Variants in MYT1L observed in about 807,000 individuals in gnomAD.
MYT1L encodes the protein myelin transcription factor 1 like.
MYT1L carries 12 observed loss-of-function variants against 126.7 expected under a neutral mutation model. The observed-to-expected ratio is 0.09, with a 90% confidence interval of 0.06 to 0.15. The LOEUF (loss-of-function observed/expected upper bound fraction) is 0.15. Among genes scored for constraint, MYT1L ranks in the 10% least tolerant of loss-of-function variants. MYT1L has a pLI of 1.00. For synonymous variants in MYT1L, 541 were observed against 604.2 expected (o/e 0.90, Z 1.53); for missense variants, 979 against 1,585.2 (o/e 0.62, Z 6.49).
In MYT1L at chr2:1,889,024, C is replaced by A. The variant is rs1389883152; in HGVS notation, c.2520+217G>T. On this transcript the variant is annotated intron_variant, in intron 16 of 24. Transcript: ENST00000647738. This position sits in a 1 kb window ranked among gnomAD's most constrained non-coding sequence, Gnocchi z 4.1. Reference sequence around the variant, plus strand: ...ATATTTGTTAGAAAATAAACTTTATCATTTACAAGAGTCAATACTTTGTTT... The same window carrying A: ...ATATTTGTTAGAAAATAAACTTTATAATTTACAAGAGTCAATACTTTGTTT... 6.6e-6 allele frequency among the ~76,000 whole-genome samples: 1 copy of A among 152,148 alleles called. No homozygotes were observed. The highest frequency in any genetic ancestry group is 2.4e-5 in the African/African-American group (1 of 41,428).
At chr2:2,102,730 T>C (rs866341741) in intron 3 of MYT1L, among the ~76,000 whole-genome samples, 2 of 151,692 alleles carry the variant, frequency 1.3e-5, no homozygotes, top group Non-Finnish European at 2.9e-5. Context: ...GCTGGATGGG[T>C]GGAATCAATG....
rs560758019 is a variant in MYT1L at position 1,808,952 on chromosome 2, A to G, written c.3172+124T>C. 4 of 848,484 alleles carry G rather than the reference A, an allele frequency of 4.7e-6. No individual in the cohort carries two copies. The South Asian group carries it at 6.0e-5, about 13-fold the overall frequency. The allele number at this position is 848,484 out of a possible 1,614,324, so 52.6% of individuals were successfully genotyped here. A position where few individuals can be genotyped will look rare whatever the true frequency, so the allele number is the denominator to read the frequency against. ...TCGCTTTATAGATGAGAGGGCCAGA[A>G]TTATCTCTGCCCCTGCTTTCTAAGA... On this transcript the variant is annotated intron_variant, in intron 22 of 24. Transcript: ENST00000647738.
At chr2:1,893,475 G>C (rs184123911) in intron 14 of MYT1L, among the ~76,000 whole-genome samples, 18 of 152,264 alleles carry the variant, frequency 1.2e-4, no homozygotes, top group Admixed American at 1.1e-3. Flanking sequence ...GGAGAACTTG[G>C]TGATAGGCTA....
At chr2:2,191,798 C>T (rs2092601911) in intron 2 of MYT1L, among the ~76,000 whole-genome samples, 1 of 152,226 alleles carries the variant, frequency 6.6e-6, no homozygotes, top group African/African-American at 2.4e-5. Flanking sequence ...ATTTCTCATC[C>T]TTTTAAGCAG....
chr2:1,915,067 C>T (rs2052628625), intron 11 of MYT1L, among the ~76,000 whole-genome samples: 1 of 152,130 alleles, frequency 6.6e-6, no homozygotes, highest in South Asian at 2.1e-4. Flanking sequence ...GTCCTTCTCT[C>T]AGCCGGGCTG....
intron 2 of MYT1L, among the ~76,000 whole-genome samples, chr2:2,276,942 C>T (rs142455291): frequency 2.0e-5 from 3 of 151,860 alleles, no homozygotes; most frequent in Non-Finnish European, 4.4e-5. Context: ...TTTCTGTTTG[C>T]CTTTACTTCA....
chr2:2,079,384 A>G (rs920991192), intron 3 of MYT1L, among the ~76,000 whole-genome samples: 1 of 152,252 alleles, frequency 6.6e-6, no homozygotes, highest in Non-Finnish European at 1.5e-5. Context: ...AGATCAGAAT[A>G]TTTAACATTA....
intron 21 of MYT1L, among the ~76,000 whole-genome samples, chr2:1,834,325 G>A (rs909588937): frequency 2.0e-5 from 3 of 152,214 alleles, no homozygotes; most frequent in Non-Finnish European, 4.4e-5. Flanking sequence ...GGCTTCCAAG[G>A]AAAGAGAAAT....
At chr2:2,139,170 G>A (rs957884915) in intron 3 of MYT1L, among the ~76,000 whole-genome samples, 21 of 151,886 alleles carry the variant, frequency 1.4e-4, no homozygotes, top group African/African-American at 2.2e-4. Context: ...AGTGCATGGC[G>A]TCTCCTCCTC....
chr2:2,024,441 T>C (rs924997691), intron 4 of MYT1L, among the ~76,000 whole-genome samples: 1 of 152,230 alleles, frequency 6.6e-6, no homozygotes, highest in African/African-American at 2.4e-5. Flanking sequence ...TCCCTCCCCT[T>C]GTGGCTGACA....
In MYT1L at chr2:2,224,523, A is replaced by G. The variant is rs1391170149; in HGVS notation, c.-420-51535T>C. Among the ~76,000 whole-genome samples the G allele has an allele frequency of 6.6e-6, 1 of 152,206 alleles. No individual in the cohort carries two copies. Among genetic ancestry groups the G allele is most frequent in the East Asian group, 1.9e-4 (1 of 5,188 alleles). On this transcript the variant is annotated intron_variant, in intron 2 of 24. Transcript: ENST00000647738. This position sits in a 1 kb window ranked among gnomAD's most constrained non-coding sequence, Gnocchi z 4.0. Reference sequence around the variant, plus strand: ...TGCCATAACTATTTTTCCCATTAAGAAAATAAATGTTTCAGGCTGGGCACG... The same window carrying G: ...TGCCATAACTATTTTTCCCATTAAGGAAATAAATGTTTCAGGCTGGGCACG...
At chr2:2,179,818 A>C (rs2091220687) in intron 2 of MYT1L, among the ~76,000 whole-genome samples, 1 of 152,204 alleles carries the variant, frequency 6.6e-6, no homozygotes, top group African/African-American at 2.4e-5. Flanking sequence ...CATGTTCCTC[A>C]AATATAAACT....
In MYT1L at chr2:2,003,163, C is replaced by T. The variant is rs139519601; in HGVS notation, c.-157-5816G>A. Among the ~76,000 whole-genome samples the T allele has an allele frequency of 1.7e-3, 265 of 152,270 alleles. 1 individual carries two copies. Among genetic ancestry groups the T allele is most frequent in the African/African-American group, 6.0e-3 (249 of 41,552 alleles). ...TCCTGAGTCCCGTTCCCATTTCCCA[C>T]TTAGACTTGCTCGATTCCCATGGCC... is the stretch of plus-strand genomic sequence containing the variant. On this transcript the variant is annotated intron_variant, in intron 4 of 24. Transcript: ENST00000647738.
At chr2:2,185,081 T>C (rs1193760582) in intron 2 of MYT1L, among the ~76,000 whole-genome samples, 1 of 152,184 alleles carries the variant, frequency 6.6e-6, no homozygotes, top group Non-Finnish European at 1.5e-5. Context: ...GCCCTCATGC[T>C]GCAAACCTTC....
chr2:1,809,591 A>C (rs1320324318), intron 21 of MYT1L, among the ~76,000 whole-genome samples: 1 of 152,260 alleles, frequency 6.6e-6, no homozygotes, highest in African/African-American at 2.4e-5. Flanking sequence ...AAATATACAA[A>C]AGTAGAGACA....
intron 1 of MYT1L, among the ~76,000 whole-genome samples, chr2:2,318,095 C>T (rs1173242757): frequency 6.6e-6 from 1 of 152,156 alleles, no homozygotes; most frequent in African/African-American, 2.4e-5. Flanking sequence ...TTCAGTTATG[C>T]CTTTGAGGCT....
chr2:2,081,195 A>T (rs1164478353), intron 3 of MYT1L, among the ~76,000 whole-genome samples: 1 of 152,166 alleles, frequency 6.6e-6, no homozygotes, highest in Non-Finnish European at 1.5e-5. Context: ...AAAAATATGG[A>T]CTTCCACTGT....
At chr2:1,900,700 G>C (rs897744198) in intron 14 of MYT1L, among the ~76,000 whole-genome samples, 2 of 152,214 alleles carry the variant, frequency 1.3e-5, no homozygotes, top group African/African-American at 4.8e-5. Flanking sequence ...TGTAACACTT[G>C]CGCCTCTAAA....
intron 10 of MYT1L, among the ~76,000 whole-genome samples, chr2:1,919,294 C>T (rs1009638838): frequency 6.6e-6 from 1 of 152,174 alleles, no homozygotes; most frequent in Non-Finnish European, 1.5e-5. Context: ...TTTGCCTTCA[C>T]CGTTACCTCC....
Sources: allele counts gnomAD v4.1 joint callset (sites outside exome capture counted in the v4.1 genomes callset), GRCh38; gene constraint gnomAD v4.1.1; non-coding constraint Gnocchi (gnomAD v3.1); transcripts MANE v1.5; gene names NCBI Gene and HGNC (gene_info 2026-07-23, HGNC 2026-07-21).